Variants in CAMKMT observed in about 807,000 individuals in gnomAD.
The protein encoded by CAMKMT is calmodulin-lysine N-methyltransferase, also known as CaM KMT.
CAMKMT carries 53 observed loss-of-function variants against 48.0 expected under a neutral mutation model. That is an observed-to-expected ratio of 1.10 (90% CI 0.89 to 1.39). The LOEUF (loss-of-function observed/expected upper bound fraction) is 1.39. Among genes scored for constraint, CAMKMT ranks in the 40% most tolerant of loss-of-function variants. The probability of loss-of-function intolerance (pLI) is 0.00; values close to 1 mark genes in which losing one functional copy is unlikely to be tolerated. For missense variants in CAMKMT, 428 were observed against 402.7 expected, an observed-to-expected ratio of 1.06 and a Z score of -0.54; for synonymous variants, 165 against 152.3, an observed-to-expected ratio of 1.08 and a Z score of -0.61.
chr2:44,646,762 A>G (rs757138925), intron 3 of CAMKMT, among the ~76,000 whole-genome samples: 3 of 152,124 alleles, frequency 2.0e-5, no homozygotes, highest in Non-Finnish European at 2.9e-5. Context: ...CAGGCCCCCA[A>G]GTTTCCTTAG....
intron 4 of CAMKMT, 22 bp downstream of exon 4, chr2:44,704,365 A>T: frequency 6.6e-7 from 1 of 1,519,594 alleles, no homozygotes. Context: ...CACTTAAGAT[A>T]TTTTTTAGCC....
intron 3 of CAMKMT, among the ~76,000 whole-genome samples, chr2:44,624,787 C>T (rs1456732655): frequency 2.0e-5 from 3 of 152,044 alleles, no homozygotes; most frequent in African/African-American, 4.8e-5. Context: ...AATAAATATA[C>T]CTGTGCATGT....
chr2:44,472,022 A>G (rs1367330371), intron 3 of CAMKMT, among the ~76,000 whole-genome samples: 2 of 152,202 alleles, frequency 1.3e-5, no homozygotes, highest in Non-Finnish European at 1.5e-5. Flanking sequence ...GGTTGGTATG[A>G]AGATTTTCAA....
intron 3 of CAMKMT, among the ~76,000 whole-genome samples, chr2:44,413,803 A>G (rs181546701): frequency 1.9e-4 from 29 of 152,358 alleles, no homozygotes; most frequent in African/African-American, 6.5e-4. Context: ...TGATGCTTTA[A>G]AAGGAGTTAT....
intron 3 of CAMKMT, among the ~76,000 whole-genome samples, chr2:44,581,100 T>A (rs1669533277): frequency 6.6e-6 from 1 of 152,126 alleles, no homozygotes; most frequent in Non-Finnish European, 1.5e-5. Flanking sequence ...AATGTCAGAA[T>A]ATAGCTAGTC....
intron 3 of CAMKMT, among the ~76,000 whole-genome samples, chr2:44,699,855 C>A (rs1053891611): frequency 6.6e-6 from 1 of 152,174 alleles, no homozygotes; most frequent in Non-Finnish European, 1.5e-5. Context: ...GCCGCACTAG[C>A]CCCTAACAAG....
At chr2:44,631,592 C>T (rs1672836292) in intron 3 of CAMKMT, 2 of 532,942 alleles carry the variant, frequency 3.8e-6, no homozygotes, top group African/African-American at 2.0e-5. Flanking sequence ...TGAGCCACTG[C>T]TCCCAGCTGT....
At chr2:44,680,606 C>A (rs1032452712) in intron 3 of CAMKMT, among the ~76,000 whole-genome samples, 4 of 152,184 alleles carry the variant, frequency 2.6e-5, no homozygotes. Flanking sequence ...ACCAGTTATG[C>A]CCATGCTGTT....
chr2:44,543,562 T>C (rs1667243378), intron 3 of CAMKMT, among the ~76,000 whole-genome samples: 1 of 152,214 alleles, frequency 6.6e-6, no homozygotes, highest in African/African-American at 2.4e-5. Flanking sequence ...CTAGTATTTT[T>C]ATTAGTATTG....
rs1674219944 is a variant in CAMKMT at position 44,653,866 on chromosome 2, G to A, written c.377-50417G>A. ...GTAGACATCAATTAATATTTGTTGA[G>A]TGAAAGAATGAAACCAAAACTGTCA... is the stretch of plus-strand genomic sequence containing the variant. On this transcript the variant is annotated intron_variant, in intron 3 of 10. Coordinates refer to ENST00000378494, the MANE Select transcript of CAMKMT (RefSeq NM_024766.5). The surrounding 1 kb of genome is among the most constrained non-coding windows in gnomAD (Gnocchi z 5.2). Among the ~76,000 whole-genome samples the A allele has an allele frequency of 6.6e-6, 1 of 152,176 alleles. No individual in the cohort carries two copies. The highest frequency in any genetic ancestry group is 1.5e-5 in the Non-Finnish European group (1 of 68,024).
intron 3 of CAMKMT, among the ~76,000 whole-genome samples, chr2:44,508,491 T>A (rs1321381810): frequency 2.6e-5 from 4 of 152,174 alleles, no homozygotes; most frequent in Admixed American, 2.6e-4. Flanking sequence ...GAAAGCATGT[T>A]TCTTTCCTTC....
At chr2:44,575,421 T>C (rs1669162388) in intron 3 of CAMKMT, among the ~76,000 whole-genome samples, 1 of 152,214 alleles carries the variant, frequency 6.6e-6, no homozygotes, top group African/African-American at 2.4e-5. Flanking sequence ...TTCAGTAACA[T>C]TGCATATTTT....
At chr2:44,544,613 C>G (rs1667296381) in intron 3 of CAMKMT, among the ~76,000 whole-genome samples, 1 of 152,196 alleles carries the variant, frequency 6.6e-6, no homozygotes, top group Non-Finnish European at 1.5e-5. Context: ...CTGCTGCAAC[C>G]ATTATCCAGT....
intron 3 of CAMKMT, among the ~76,000 whole-genome samples, chr2:44,514,817 C>T (rs1475794361): frequency 1.3e-5 from 2 of 152,160 alleles, no homozygotes; most frequent in Non-Finnish European, 2.9e-5. Context: ...ATATTCGTGC[C>T]TAGATTCTTC....
At chr2:44,582,810 GT>G (rs1669636654) in intron 3 of CAMKMT, among the ~76,000 whole-genome samples, 1 of 152,172 alleles carries the variant, frequency 6.6e-6, no homozygotes, top group Admixed American at 6.5e-5. Context: ...AAACACAGCT[GT>G]TTGAGTACTC....
intron 6 of CAMKMT, among the ~76,000 whole-genome samples, chr2:44,713,327 C>CT (rs1261581856): frequency 2.6e-5 from 4 of 152,128 alleles, no homozygotes; most frequent in Non-Finnish European, 5.9e-5. Context: ...GTGTACTGGG[C>CT]ACATTATGGC....
intron 7 of CAMKMT, among the ~76,000 whole-genome samples, chr2:44,726,401 T>C (rs1322259409): frequency 1.3e-5 from 2 of 152,204 alleles, no homozygotes; most frequent in Non-Finnish European, 2.9e-5. Flanking sequence ...ATTTTTTATA[T>C]GTTTGTTGGC....
intron 3 of CAMKMT, among the ~76,000 whole-genome samples, chr2:44,602,128 C>G (rs944211912): frequency 3.9e-5 from 6 of 152,050 alleles, no homozygotes; most frequent in African/African-American, 1.2e-4. Context: ...ACCTCAGCCT[C>G]TCTAGTAGCT....
chr2:44,622,247 C>A (rs1160053497), intron 3 of CAMKMT, among the ~76,000 whole-genome samples: 1 of 152,156 alleles, frequency 6.6e-6, no homozygotes, highest in Non-Finnish European at 1.5e-5. Context: ...TTATTTATGT[C>A]TGGTGTCTTT....
Sources: allele counts gnomAD v4.1 joint callset (sites outside exome capture counted in the v4.1 genomes callset), GRCh38; gene constraint gnomAD v4.1.1; non-coding constraint Gnocchi (gnomAD v3.1); transcripts MANE v1.5; gene names NCBI Gene and HGNC (gene_info 2026-07-23, HGNC 2026-07-21).